Variants in SDK1 observed in about 807,000 individuals in gnomAD.
SDK1 encodes the protein sidekick cell adhesion molecule 1, also known as protein sidekick-1.
A neutral mutation model predicts 245.5 loss-of-function variants in SDK1; 157 were observed. That is an observed-to-expected ratio of 0.64 (90% CI 0.56 to 0.73). The LOEUF (loss-of-function observed/expected upper bound fraction) is 0.73. SDK1 is among the 30% of genes least tolerant of loss of function. The pLI is 0.00. For missense variants in SDK1, 3,583 were observed against 3,002.3 expected, an observed-to-expected ratio of 1.19 and a Z score of -4.52; for synonymous variants, 1,647 against 1,278.5, an observed-to-expected ratio of 1.29 and a Z score of -6.15.
rs375349334 is a variant in SDK1, at chr7:4,172,332, G to A, written c.4801-1890G>A. 2.5e-4 allele frequency among the ~76,000 whole-genome samples: 38 copies of A among 152,270 alleles called. No individual in the cohort carries two copies. In the South Asian group the frequency reaches 5.4e-3, roughly 22 times the overall value. ...GGTGCCCCTCTGGCATGTGCGTGTC[G>A]CATGCTGCATGCGTGAGTGTTGAAC... On this transcript the variant is annotated intron_variant, in intron 32 of 44. Coordinates refer to ENST00000404826, the MANE Select transcript of SDK1 (RefSeq NM_152744.4).
chr7:3,700,451 T>C (rs1784708103), intron 4 of SDK1, among the ~76,000 whole-genome samples: 1 of 152,150 alleles, frequency 6.6e-6, no homozygotes, highest in African/African-American at 2.4e-5. Context: ...TAAAGAATGG[T>C]AAGGTTTTTA....
chr7:3,861,401 T>G (rs907895693), intron 5 of SDK1, among the ~76,000 whole-genome samples: 2 of 152,218 alleles, frequency 1.3e-5, no homozygotes, highest in African/African-American at 4.8e-5. Context: ...CTTGATTGTT[T>G]TGGTGCTTGT....
At chr7:3,601,410 A>G (rs1328345768) in intron 1 of SDK1, among the ~76,000 whole-genome samples, 2 of 152,008 alleles carry the variant, frequency 1.3e-5, no homozygotes, top group African/African-American at 2.4e-5. Context: ...TTATGGGACT[A>G]TTTGGACTAT....
intron 1 of SDK1, among the ~76,000 whole-genome samples, chr7:3,486,447 T>A (rs796079019): frequency 4.6e-5 from 7 of 152,208 alleles, no homozygotes; most frequent in Admixed American, 2.0e-4. Flanking sequence ...TCTACTTTCC[T>A]GTTTGGTTTT....
chr7:3,809,506 C>G (rs530047270), intron 4 of SDK1, among the ~76,000 whole-genome samples: 2 of 152,086 alleles, frequency 1.3e-5, no homozygotes, highest in African/African-American at 4.8e-5. Flanking sequence ...CTTTGTCACT[C>G]GGCAATCGAA....
chr7:3,968,619 G>T (rs1782253598), intron 10 of SDK1, among the ~76,000 whole-genome samples: 1 of 152,092 alleles, frequency 6.6e-6, no homozygotes, highest in African/African-American at 2.4e-5. Flanking sequence ...CAGATATAAA[G>T]AAAACTAAAA....
At position 3,951,839 on chromosome 7, in the gene SDK1, A is replaced by T; in HGVS notation, c.1069A>T (p.Thr357Ser). Residue 357 changes from threonine to serine, a missense_variant, in exon 7 of 45, where the codon ACC (threonine) becomes TCC (serine). Thr to Ser is a moderately conservative substitution (Grantham distance 58, BLOSUM62 1). Transcript: ENST00000404826. Reference sequence around the variant, plus strand: ...CATCAGCAACCCGACGTCCGCGGACACCGGGCCATACGTCTGCGAGGCGGC... The same window carrying T: ...CATCAGCAACCCGACGTCCGCGGACTCCGGGCCATACGTCTGCGAGGCGGC... Reference protein sequence around the residue: ...LTISNPTSADTGPYVCEAALP... With the variant: ...LTISNPTSADSGPYVCEAALP... The T allele has an allele frequency of 6.2e-7, 1 of 1,613,804 alleles. No individual in the cohort carries two copies. The highest frequency in any genetic ancestry group is 8.5e-7 in the Non-Finnish European group (1 of 1,180,004).
Position 3,453,065 on chromosome 7 carries a change from G to A in SDK1, c.298+151181G>A, listed in dbSNP as rs1780565214. Among the ~76,000 whole-genome samples the A allele has an allele frequency of 2.6e-5, 4 of 152,220 alleles. No homozygotes were observed. The South Asian group carries it at 8.3e-4, about 32-fold the overall frequency. ...TCTGTCCTGCTACCACGATAGAGTGGACCCTGTGTCACAGCACCATTGGTA... is the reference window on the plus strand; with the variant it reads ...TCTGTCCTGCTACCACGATAGAGTGAACCCTGTGTCACAGCACCATTGGTA... On this transcript the variant is annotated intron_variant, in intron 1 of 44. Coordinates refer to ENST00000404826, the MANE Select transcript of SDK1 (RefSeq NM_152744.4).
intron 4 of SDK1, among the ~76,000 whole-genome samples, chr7:3,654,263 G>A (rs551844102): frequency 6.6e-6 from 1 of 152,322 alleles, no homozygotes; most frequent in East Asian, 1.9e-4. Context: ...CACAGCGGGA[G>A]TCCCCTTGTC....
At chr7:3,751,004 T>C (rs1014181948) in intron 4 of SDK1, among the ~76,000 whole-genome samples, 1 of 152,192 alleles carries the variant, frequency 6.6e-6, no homozygotes, top group East Asian at 1.9e-4. Context: ...AACTGTCTTT[T>C]TCCTTCCCAA....
intron 16 of SDK1, among the ~76,000 whole-genome samples, chr7:4,014,906 G>A (rs73673241): frequency 0.068 from 10,330 of 152,128 alleles, 1,102 homozygotes; most frequent in African/African-American, 0.23. Context: ...TGACTGTTCC[G>A]GAGGGGAGCG....
Position 4,213,852 on chromosome 7 carries a change from A to C in SDK1, c.5539+3690A>C, listed in dbSNP as rs563731557. Among the ~76,000 whole-genome samples, 51 of 152,296 alleles carry C rather than the reference A, an allele frequency of 3.3e-4. 1 individual carries two copies. The South Asian group carries it at 0.01, about 30-fold the overall frequency. ...GTTTTTGCATCACTGGGAAACTCAA[A>C]GCATTCGGAAGATTTTTAGACAATC... On this transcript the variant is annotated intron_variant, in intron 38 of 44. Transcript: ENST00000404826.
intron 5 of SDK1, among the ~76,000 whole-genome samples, chr7:3,898,694 CTT>C (rs1237406390): frequency 6.6e-6 from 1 of 152,158 alleles, no homozygotes; most frequent in Non-Finnish European, 1.5e-5. Context: ...GAATTACTAA[CTT>C]ATTAATAGAA....
At chr7:3,975,157 C>G (rs148121339) in intron 13 of SDK1, among the ~76,000 whole-genome samples, 9 of 152,238 alleles carry the variant, frequency 5.9e-5, no homozygotes, top group Non-Finnish European at 1.0e-4. Flanking sequence ...CTCCACTCCC[C>G]TCTCTATTCA....
intron 4 of SDK1, among the ~76,000 whole-genome samples, chr7:3,677,937 TCAA>T (rs1190184840): frequency 3.9e-5 from 6 of 152,052 alleles, no homozygotes; most frequent in Non-Finnish European, 8.8e-5. Context: ...CCCCTACAAC[TCAA>T]CAACAACAGA....
chr7:3,687,265 A>G lies in SDK1; in HGVS notation c.713+45160A>G, dbSNP rs565332542. Among the ~76,000 whole-genome samples the G allele has an allele frequency of 3.8e-3, 570 of 151,012 alleles. 2 individuals are homozygous for G. The highest frequency in any genetic ancestry group is 0.02 in the Middle Eastern group (6 of 294). On this transcript the variant is annotated intron_variant, in intron 4 of 44. Transcript: ENST00000404826. Reference sequence around the variant, plus strand: ...CAGCTCAGCCTCCCAAGGAGCTGGGACTACAGGCACACGTCACCACACCCA... The same window carrying G: ...CAGCTCAGCCTCCCAAGGAGCTGGGGCTACAGGCACACGTCACCACACCCA...
At chr7:4,134,491 A>G (rs1478045889) in intron 28 of SDK1, among the ~76,000 whole-genome samples, 1 of 152,232 alleles carries the variant, frequency 6.6e-6, no homozygotes, top group Non-Finnish European at 1.5e-5. Flanking sequence ...ACCTCAGCAC[A>G]GCACCCAGGC....
At chr7:4,181,735 A>T (rs1782614860) in intron 35 of SDK1, among the ~76,000 whole-genome samples, 1 of 152,098 alleles carries the variant, frequency 6.6e-6, no homozygotes, top group Non-Finnish European at 1.5e-5. Flanking sequence ...TGCTGTGCCC[A>T]TGCCACCAAG....
At chr7:3,863,216 C>G (rs1039133163) in intron 5 of SDK1, among the ~76,000 whole-genome samples, 6 of 152,180 alleles carry the variant, frequency 3.9e-5, no homozygotes, top group Non-Finnish European at 7.3e-5. Context: ...TAAAGGAACA[C>G]AGGGAATGAA....
Sources: gnomAD v4.1 joint callset for allele counts (sites outside exome capture counted in the v4.1 genomes callset) on GRCh38, gnomAD v4.1.1 for gene constraint, MANE v1.5 for transcripts, NCBI Gene and HGNC (gene_info 2026-07-23, HGNC 2026-07-21) for gene names.